WASHC2A: variants seen among roughly 807,000 people sequenced by gnomAD.
WASHC2A encodes WASH complex subunit 2A.
A neutral mutation model predicts 140.3 loss-of-function variants in WASHC2A; 82 were observed. The ratio of observed to expected loss-of-function variants is 0.58; its 90% CI spans 0.49 to 0.70. WASHC2A has a LOEUF of 0.70. Among genes scored for constraint, WASHC2A ranks in the 30% least tolerant of loss-of-function variants. WASHC2A has a pLI of 0.00. For synonymous variants in WASHC2A, 340 were observed against 560.8 expected (o/e 0.61, Z 5.56); for missense variants, 985 against 1,521.8 (o/e 0.65, Z 5.87).
chr10:50,102,585 G>A (rs1162247530), intron 17 of WASHC2A, among the ~76,000 whole-genome samples: 2 of 150,818 alleles, frequency 1.3e-5, no homozygotes, highest in Non-Finnish European at 1.5e-5. Flanking sequence ...GAGCACAGGG[G>A]AAAAACACTG....
chr10:50,092,582 G>A (rs1399720503), intron 11 of WASHC2A, among the ~76,000 whole-genome samples: 3 of 152,074 alleles, frequency 2.0e-5, no homozygotes, highest in Non-Finnish European at 2.9e-5. Flanking sequence ...ACTTGAACCC[G>A]GGAGGCAGAG....
chr10:50,092,339 A>C, intron 11 of WASHC2A, 106 bp downstream of exon 11: 1 of 1,395,544 alleles, frequency 7.2e-7, no homozygotes, highest in Non-Finnish European at 9.8e-7. Flanking sequence ...CCCTCTGACA[A>C]ATGGGTCTGT....
chr10:50,088,513 C>T (rs1375322334), intron 8 of WASHC2A, among the ~76,000 whole-genome samples: 1 of 152,138 alleles, frequency 6.6e-6, no homozygotes, highest in Admixed American at 6.5e-5. Flanking sequence ...GCCCACTTCG[C>T]CCTCCCAGAG....
chr10:50,112,166 C>T (rs1219210406), intron 20 of WASHC2A: 28 of 983,218 alleles, frequency 2.8e-5, no homozygotes, highest in Non-Finnish European at 3.3e-5. Context: ...AGCTTATTCC[C>T]ATGAGTGTCC....
At chr10:50,087,006 A>G (rs1839441975) in intron 7 of WASHC2A, among the ~76,000 whole-genome samples, 1 of 132,654 alleles carries the variant, frequency 7.5e-6, no homozygotes, top group Non-Finnish European at 1.5e-5. Flanking sequence ...TTGAAAGTGC[A>G]GGTGATGTGA....
chr10:50,110,266 G>A lies in WASHC2A; in HGVS notation c.2035G>A (p.Asp679Asn). 9 of 1,611,726 alleles carry A rather than the reference G, an allele frequency of 5.6e-6. 1 individual carries two copies. The South Asian group carries it at 9.9e-5, about 18-fold the overall frequency. The stretch of plus-strand genomic sequence containing the variant: ...AGATGATCTTTTTGCCATTGCCAAG[G>A]ACAGGTGAGATAGTCATTGGAAGGA... Reference protein sequence around the residue: ...EEDDLFAIAKDSQKKTQRVSL... With the variant: ...EEDDLFAIAKNSQKKTQRVSL... Residue 679 changes from aspartate (D) to asparagine (N), a missense_variant, in exon 20 of 31, where the codon GAC becomes AAC. Asp to Asn is a conservative substitution (Grantham distance 23, BLOSUM62 1). Transcript: ENST00000282633.
chr10:50,075,888 G>T (rs1482456836), intron 3 of WASHC2A, among the ~76,000 whole-genome samples: 1 of 151,742 alleles, frequency 6.6e-6, no homozygotes, highest in Non-Finnish European at 1.5e-5. Flanking sequence ...TTACTTTTCT[G>T]TGTGAATTTG....
chr10:50,129,585 C>T lies in WASHC2A; in HGVS notation c.3254C>T (p.Ala1085Val). 5 of 1,612,054 alleles carry T rather than the reference C, an allele frequency of 3.1e-6. No individual in the cohort carries two copies. Among genetic ancestry groups the T allele is most frequent in the Non-Finnish European group, 4.2e-6 (5 of 1,179,868 alleles). Residue 1085 changes from alanine to valine, a missense_variant, in exon 29 of 31, where the codon GCA (alanine) becomes GTA (valine). Coordinates refer to ENST00000282633, the MANE Select transcript of WASHC2A (RefSeq NM_001005751.3). Reference protein sequence around the residue: ...SPNGHRPQLRAASGEDSTEEA... With the variant: ...SPNGHRPQLRVASGEDSTEEA... ...AATGGCCATCGGCCACAGCTCAGAGCAGCCAGTGGAGAAGACAGCACTGAG... is the reference window on the plus strand; with the variant it reads ...AATGGCCATCGGCCACAGCTCAGAGTAGCCAGTGGAGAAGACAGCACTGAG...
intron 4 of WASHC2A, among the ~76,000 whole-genome samples, chr10:50,079,093 G>A (rs1300058212): frequency 2.0e-5 from 3 of 150,532 alleles, no homozygotes; most frequent in African/African-American, 7.4e-5. Context: ...TCTCACACCA[G>A]AGCCCAAAAC....
chr10:50,129,280 C>G, intron 28 of WASHC2A, 139 bp from the exon 29 acceptor site: 1 of 1,454,046 alleles, frequency 6.9e-7, no homozygotes, highest in Non-Finnish European at 9.4e-7. Context: ...GAAATAACCT[C>G]TTCTATGTTC....
intron 3 of WASHC2A, among the ~76,000 whole-genome samples, chr10:50,072,067 C>T (rs1268989949): frequency 2.2e-5 from 3 of 136,102 alleles, no homozygotes; most frequent in Non-Finnish European, 4.7e-5. Flanking sequence ...CGCCACCAGG[C>T]CTGGCTAATT....
At chr10:50,123,212 A>AT (rs1843144971) in intron 23 of WASHC2A, among the ~76,000 whole-genome samples, 1 of 122,132 alleles carries the variant, frequency 8.2e-6, no homozygotes, top group African/African-American at 3.1e-5. Flanking sequence ...TTCTTATAAC[A>AT]TAAAGCTACC....
chr10:50,076,190 A>G (rs1393263460), intron 3 of WASHC2A, among the ~76,000 whole-genome samples: 2 of 152,148 alleles, frequency 1.3e-5, no homozygotes. Flanking sequence ...GATTACAGGC[A>G]TGAGCCTCCC....
intron 16 of WASHC2A, among the ~76,000 whole-genome samples, chr10:50,098,973 C>T (rs4935083): frequency 0.6 from 89,841 of 150,048 alleles, 27,053 homozygotes; most frequent in Middle Eastern, 0.69. Context: ...GGTACCCTGT[C>T]CTCTTTTGCC....
Position 50,095,603 on chromosome 10 carries a change from C to G in WASHC2A, c.1245C>G (p.Asp415Glu). Residue 415 changes from aspartate to glutamate, a missense_variant, in exon 15 of 31, where the codon GAC becomes GAG. Coordinates refer to ENST00000282633, the MANE Select transcript of WASHC2A (RefSeq NM_001005751.3). ...GTCTTGTCTTTCCACCCACAGGAGA[C>G]ACGGATGTGTTTGGTGCTGCCTCCG... is the stretch of plus-strand genomic sequence containing the variant. ...PAGAVSVFLGDTDVFGAASVP... is the reference protein window; with the variant it reads ...PAGAVSVFLGETDVFGAASVP... 1 of 1,611,976 alleles carries G rather than the reference C, an allele frequency of 6.2e-7. No individual in the cohort carries two copies. Among genetic ancestry groups the G allele is most frequent in the Non-Finnish European group, 8.5e-7 (1 of 1,179,856 alleles).
intron 23 of WASHC2A, among the ~76,000 whole-genome samples, chr10:50,120,618 C>CAAAAA (rs1161708139): frequency 1.1e-4 from 4 of 37,796 alleles, no homozygotes; most frequent in Admixed American, 3.1e-4. Context: ...GACTCCATCT[C>CAAAAA]AAAAAAAAAA....
At chr10:50,089,656 G>A (rs1397023189) in intron 8 of WASHC2A, among the ~76,000 whole-genome samples, 4 of 152,146 alleles carry the variant, frequency 2.6e-5, no homozygotes, top group Non-Finnish European at 5.9e-5. Flanking sequence ...GGCGGGGCGT[G>A]GTATCATCCT....
At chr10:50,084,697 G>A (rs1224578944) in intron 6 of WASHC2A, among the ~76,000 whole-genome samples, 2 of 148,648 alleles carry the variant, frequency 1.3e-5, no homozygotes, top group African/African-American at 5.0e-5. Context: ...CCAAAGTGCT[G>A]GGATTACAAG....
At chr10:50,087,201 A>G in intron 7 of WASHC2A, 74 bp from the exon 8 acceptor site, 1 of 1,603,352 alleles carries the variant, frequency 6.2e-7, no homozygotes, top group South Asian at 1.1e-5. Context: ...TGCCCCAGAG[A>G]CTTAGACCTG....
Sources: allele counts gnomAD v4.1 joint callset (sites outside exome capture counted in the v4.1 genomes callset), GRCh38; gene constraint gnomAD v4.1.1; transcripts MANE v1.5; gene names NCBI Gene and HGNC (gene_info 2026-07-23, HGNC 2026-07-21).